Variants in KCMF1 observed in about 807,000 individuals in gnomAD.
The protein encoded by KCMF1 is E3 ubiquitin-protein ligase KCMF1.
A neutral mutation model predicts 41.1 loss-of-function variants in KCMF1; 3 were observed. That is an observed-to-expected ratio of 0.07 (90% CI 0.03 to 0.19). KCMF1 has a LOEUF of 0.19. Ranked by LOEUF, KCMF1 falls within the 10% of genes least tolerant of loss-of-function variation. The pLI, the probability that KCMF1 is intolerant of heterozygous loss-of-function variation, is 1.00. For synonymous variants in KCMF1, 142 were observed against 164.5 expected, an observed-to-expected ratio of 0.86 and a Z score of 1.04; for missense variants, 286 against 488.9, an observed-to-expected ratio of 0.58 and a Z score of 3.91.
At chr2:84,994,034 G>T (rs1176451948) in intron 1 of KCMF1, among the ~76,000 whole-genome samples, 2 of 150,518 alleles carry the variant, frequency 1.3e-5, no homozygotes, top group African/African-American at 4.9e-5. Context: ...TGCAAGCTCC[G>T]CCTCCTGGGT....
intron 1 of KCMF1, among the ~76,000 whole-genome samples, chr2:85,023,061 G>T (rs1476721736): frequency 1.3e-5 from 2 of 150,206 alleles, no homozygotes; most frequent in South Asian, 2.1e-4. Context: ...CTAATTTTTT[G>T]TATTTTTAGT....
rs909401318 is a variant in KCMF1, at chr2:85,054,201, G to A, written c.*792G>A. Reference sequence around the variant, plus strand: ...TTGTTTAAAGTTTTTACTTTTTGTGGTTGTTTAAAATTTTTTCAATTGTTA... The same window carrying A: ...TTGTTTAAAGTTTTTACTTTTTGTGATTGTTTAAAATTTTTTCAATTGTTA... On this transcript the variant is annotated 3_prime_UTR_variant, in exon 7 of 7. Coordinates refer to ENST00000409785, the MANE Select transcript of KCMF1 (RefSeq NM_020122.5). The A allele has an allele frequency of 2.0e-5, 3 of 152,162 alleles. No individual in the cohort carries two copies. Among genetic ancestry groups the A allele is most frequent in the Non-Finnish European group, 4.4e-5 (3 of 68,032 alleles). 9.4% of individuals were successfully genotyped at this position (152,162 alleles called of 1,614,324 possible).
intron 1 of KCMF1, chr2:85,013,889 TG>T (rs1454818206): frequency 6.6e-6 from 1 of 152,178 alleles, no homozygotes; most frequent in Non-Finnish European, 1.5e-5. Flanking sequence ...CCCCTTTCAT[TG>T]TTTGAAATGA....
chr2:85,010,959 T>G (rs1026684197), intron 1 of KCMF1, among the ~76,000 whole-genome samples: 8 of 151,914 alleles, frequency 5.3e-5, no homozygotes, highest in African/African-American at 1.9e-4. Flanking sequence ...TTCTTCTTCC[T>G]CAGCCTCCCG....
intron 6 of KCMF1, among the ~76,000 whole-genome samples, chr2:85,052,779 CTTTT>C (rs1437109619): frequency 6.6e-6 from 1 of 152,148 alleles, no homozygotes; most frequent in East Asian, 1.9e-4. Context: ...TTATTTTCCT[CTTTT>C]TATTTACCCC....
chr2:84,982,385 T>TTTTC (rs1318732041), intron 1 of KCMF1, among the ~76,000 whole-genome samples: 8 of 133,636 alleles, frequency 6.0e-5, no homozygotes, highest in African/African-American at 1.7e-4. Flanking sequence ...GTGTTCCTTA[T>TTTTC]TTTCTTTTTT....
chr2:85,028,919 GCT>G (rs1675188253), intron 2 of KCMF1, among the ~76,000 whole-genome samples: 1 of 152,106 alleles, frequency 6.6e-6, no homozygotes, highest in African/African-American at 2.4e-5. Context: ...GAAGAAATAT[GCT>G]CTGTCTTTTG....
intron 1 of KCMF1, among the ~76,000 whole-genome samples, chr2:85,026,222 C>T (rs1021281789): frequency 5.3e-5 from 8 of 151,668 alleles, no homozygotes; most frequent in Non-Finnish European, 1.0e-4. Flanking sequence ...AACTCCTGAC[C>T]TCAGGTGATC....
chr2:85,015,246 C>G (rs990504570), intron 1 of KCMF1, among the ~76,000 whole-genome samples: 4 of 150,926 alleles, frequency 2.7e-5, no homozygotes, highest in Non-Finnish European at 5.9e-5. Context: ...TCTAATTACT[C>G]TAGGAAAACG....
intron 3 of KCMF1, among the ~76,000 whole-genome samples, chr2:85,035,987 G>T (rs1349765229): frequency 1.3e-5 from 2 of 152,256 alleles, no homozygotes; most frequent in African/African-American, 4.8e-5. Flanking sequence ...AAAGTAGCAT[G>T]CTCAAGGACA....
chr2:85,044,976 G>A (rs1429352060), intron 4 of KCMF1, among the ~76,000 whole-genome samples: 1 of 152,232 alleles, frequency 6.6e-6, no homozygotes, highest in Non-Finnish European at 1.5e-5. Context: ...GCTGGGTACA[G>A]TGGCTCATGC....
chr2:85,013,671 A>G (rs757692288), intron 1 of KCMF1, among the ~76,000 whole-genome samples: 4 of 151,950 alleles, frequency 2.6e-5, no homozygotes, highest in East Asian at 1.9e-4. Flanking sequence ...GGTGGCACGC[A>G]CTTGTAATCC....
intron 1 of KCMF1, among the ~76,000 whole-genome samples, chr2:84,987,082 A>C (rs1484773026): frequency 6.6e-6 from 1 of 152,234 alleles, no homozygotes; most frequent in South Asian, 2.1e-4. Flanking sequence ...TCTAAATTAG[A>C]TAAAGCACTG....
chr2:85,014,795 A>G (rs1674731072), intron 1 of KCMF1, among the ~76,000 whole-genome samples: 1 of 150,650 alleles, frequency 6.6e-6, no homozygotes, highest in South Asian at 2.1e-4. Context: ...GCTGGTCTCA[A>G]ACTCCTGGGC....
intron 3 of KCMF1, among the ~76,000 whole-genome samples, chr2:85,041,583 C>G (rs1365467466): frequency 6.6e-6 from 1 of 152,060 alleles, no homozygotes. Context: ...AAGAAAGATG[C>G]CTTTTCCTTT....
At chr2:84,976,445 A>G (rs2103959881) in intron 1 of KCMF1, among the ~76,000 whole-genome samples, 1 of 152,000 alleles carries the variant, frequency 6.6e-6, no homozygotes, top group South Asian at 2.1e-4. Flanking sequence ...ACCGCAAGTG[A>G]TCCACCCACC....
At chr2:84,984,713 G>A (rs909211753) in intron 1 of KCMF1, among the ~76,000 whole-genome samples, 1 of 152,062 alleles carries the variant, frequency 6.6e-6, no homozygotes, top group East Asian at 1.9e-4. Flanking sequence ...CTAGCTACTC[G>A]GGAGGCTGAG....
chr2:85,000,859 G>T (rs945762711), intron 1 of KCMF1, among the ~76,000 whole-genome samples: 1 of 148,230 alleles, frequency 6.7e-6, no homozygotes, highest in African/African-American at 2.5e-5. Context: ...GCTCACTGCA[G>T]CTTTGCACTC....
intron 1 of KCMF1, among the ~76,000 whole-genome samples, chr2:84,995,464 T>C (rs1215869273): frequency 2.0e-5 from 3 of 152,222 alleles, no homozygotes; most frequent in African/African-American, 7.2e-5. Context: ...ATGAGTGTTA[T>C]ACTTCTTATT....
Sources: gnomAD v4.1 joint callset for allele counts (sites outside exome capture counted in the v4.1 genomes callset) on GRCh38, gnomAD v4.1.1 for gene constraint, MANE v1.5 for transcripts, NCBI Gene and HGNC (gene_info 2026-07-23, HGNC 2026-07-21) for gene names.